Variants in RARRES1 observed in about 807,000 individuals in gnomAD.
RARRES1 encodes retinoic acid receptor responder 1.
Under a neutral mutation model 30.6 loss-of-function variants are expected in RARRES1, and 34 were observed. The observed-to-expected ratio is 1.11, with a 90% CI of 0.84 to 1.48. The LOEUF (loss-of-function observed/expected upper bound fraction) is 1.48. Among genes scored for constraint, RARRES1 ranks in the 40% most tolerant of loss-of-function variants. The probability of loss-of-function intolerance (pLI) is 0.00; values close to 1 mark genes in which losing one functional copy is unlikely to be tolerated. For missense variants in RARRES1, 373 were observed against 386.5 expected, an observed-to-expected ratio of 0.97 and a Z score of 0.29; for synonymous variants, 153 against 155.5, an observed-to-expected ratio of 0.98 and a Z score of 0.12.
At chr3:158,728,855 C>T (rs939322749) in intron 1 of RARRES1, among the ~76,000 whole-genome samples, 1 of 152,080 alleles carries the variant, frequency 6.6e-6, no homozygotes, top group African/African-American at 2.4e-5. Flanking sequence ...GCTATGACTG[C>T]TCTTATAATG....
chr3:158,706,542 G>A (rs13074694), intron 3 of RARRES1, among the ~76,000 whole-genome samples: 117,843 of 152,086 alleles, frequency 0.77, 46,481 homozygotes, highest in African/African-American at 0.88. Flanking sequence ...ATGAACTGCA[G>A]TTGAGTAGTA....
At chr3:158,722,836 C>T (rs951023280) in intron 1 of RARRES1, among the ~76,000 whole-genome samples, 25 of 149,458 alleles carry the variant, frequency 1.7e-4, no homozygotes, top group Non-Finnish European at 3.0e-4. Flanking sequence ...GAGCCAAGAT[C>T]GCGCCACTGC....
intron 4 of RARRES1, among the ~76,000 whole-genome samples, chr3:158,698,561 C>G (rs1386888503): frequency 2.0e-5 from 3 of 152,176 alleles, no homozygotes; most frequent in Non-Finnish European, 4.4e-5. Context: ...TTTCTAAAAC[C>G]AGTGCATTGG....
intron 1 of RARRES1, among the ~76,000 whole-genome samples, chr3:158,715,900 G>A (rs1245508446): frequency 6.6e-6 from 1 of 152,136 alleles, no homozygotes; most frequent in Non-Finnish European, 1.5e-5. Context: ...ACAGGGCTGT[G>A]GCTTGCTGCC....
chr3:158,722,965 T>G (rs1727565996), intron 1 of RARRES1, among the ~76,000 whole-genome samples: 1 of 151,798 alleles, frequency 6.6e-6, no homozygotes, highest in South Asian at 2.1e-4. Flanking sequence ...AGAGCAGGGA[T>G]GGTGTCCTGG....
chr3:158,704,900 A>T lies in RARRES1; in HGVS notation c.563T>A (p.Leu188Gln). The T allele has an allele frequency of 6.2e-7, 1 of 1,613,452 alleles. No homozygotes were observed. The highest frequency in any genetic ancestry group is 2.2e-5 in the East Asian group (1 of 44,872). ...PDNHGHIDPS[L>Q]RLIWDLAFLG... ...GAAAGCCAAATCCCAGATGAGTCTC[A>T]GAGAGGGATCAATATGTCCATGATT... Residue 188 changes from leucine to glutamine, a missense_variant, in exon 4 of 6, where the codon CTG becomes CAG. Leu to Gln is a moderately radical substitution (Grantham distance 113, BLOSUM62 -2). Coordinates refer to ENST00000237696, the MANE Select transcript of RARRES1 (RefSeq NM_206963.2).
chr3:158,699,639 C>G (rs1401898047), intron 4 of RARRES1, among the ~76,000 whole-genome samples: 1 of 152,116 alleles, frequency 6.6e-6, no homozygotes, highest in Non-Finnish European at 1.5e-5. Flanking sequence ...GAGGCATTTC[C>G]TTCCCCAGAG....
chr3:158,698,564 T>C (rs1726625837), intron 4 of RARRES1, among the ~76,000 whole-genome samples: 1 of 152,188 alleles, frequency 6.6e-6, no homozygotes, highest in South Asian at 2.1e-4. Context: ...CTAAAACCAG[T>C]GCATTGGATA....
chr3:158,726,915 T>G (rs1175565398), intron 1 of RARRES1, among the ~76,000 whole-genome samples: 1 of 152,184 alleles, frequency 6.6e-6, no homozygotes, highest in Non-Finnish European at 1.5e-5. Flanking sequence ...ATGAATGGTT[T>G]GGCACCCTCC....
chr3:158,702,543 A>G (rs1363967817), intron 4 of RARRES1, among the ~76,000 whole-genome samples: 1 of 152,112 alleles, frequency 6.6e-6, no homozygotes, highest in Non-Finnish European at 1.5e-5. Context: ...GAACATGTTA[A>G]ATGTCCTAGT....
chr3:158,714,147 T>C (rs1727242087), intron 1 of RARRES1, among the ~76,000 whole-genome samples: 1 of 151,702 alleles, frequency 6.6e-6, no homozygotes, highest in African/African-American at 2.4e-5. Context: ...AGAACAGGAG[T>C]GTGCAGGGAG....
chr3:158,730,682 G>A (rs1488019174), intron 1 of RARRES1, among the ~76,000 whole-genome samples: 1 of 152,060 alleles, frequency 6.6e-6, no homozygotes, highest in Non-Finnish European at 1.5e-5. Context: ...CAACTCCTGA[G>A]CTCAAGCGAT....
intron 1 of RARRES1, 96 bp from the exon 2 acceptor site, chr3:158,713,955 G>C: frequency 9.0e-7 from 1 of 1,114,300 alleles, no homozygotes; most frequent in Non-Finnish European, 1.3e-6. Context: ...GCATGCAAAT[G>C]GTGGCTGTAG....
chr3:158,717,232 T>G (rs1727351067), intron 1 of RARRES1, among the ~76,000 whole-genome samples: 1 of 152,250 alleles, frequency 6.6e-6, no homozygotes, highest in African/African-American at 2.4e-5. Context: ...CTCCATGATT[T>G]CAGCTCCTAC....
At chr3:158,701,134 A>G (rs950020121) in intron 4 of RARRES1, among the ~76,000 whole-genome samples, 20 of 152,154 alleles carry the variant, frequency 1.3e-4, no homozygotes, top group African/African-American at 4.8e-4. Flanking sequence ...GTGCTTACAA[A>G]CCTGGTACTG....
chr3:158,732,305 G>T lies in RARRES1; in HGVS notation c.111C>A (p.Pro37=). 7.4e-7 allele frequency: 1 copy of T among 1,344,188 alleles called. No individual in the cohort carries two copies. The allele number at this position is 1,344,188 out of a possible 1,614,324, so 83.3% of individuals were successfully genotyped here. ...LLLLLAPVAA[P]AGSGDPDDPG... ...GGTCGTCGGGGTCCCCGGACCCCGC[G>T]GGCGCCGCCACCGGGGCGAGCAACA... Residue 37 remains proline (P), a synonymous_variant, in exon 1 of 6, where the codon CCC becomes CCA. Transcript: ENST00000237696.
intron 3 of RARRES1, among the ~76,000 whole-genome samples, chr3:158,706,753 G>A (rs1015782763): frequency 1.3e-5 from 2 of 152,200 alleles, no homozygotes; most frequent in African/African-American, 4.8e-5. Context: ...AACTCTAGGA[G>A]AATAGTAATA....
In RARRES1 at chr3:158,721,386, AGGTCTGG is replaced by A. The variant is rs559550561; in HGVS notation, c.277-7534_277-7528del. On this transcript the variant is annotated intron_variant, in intron 1 of 5. Coordinates refer to ENST00000237696, the MANE Select transcript of RARRES1 (RefSeq NM_206963.2). ...GATCTACACCGACTTTTGATTCAGGAGGTCTGGGGTGGGGCCTGGGAACTTGCATTTT... is the reference window on the plus strand; with the variant it reads ...GATCTACACCGACTTTTGATTCAGGAGGTGGGGCCTGGGAACTTGCATTTT... 6.6e-5 allele frequency among the ~76,000 whole-genome samples: 10 copies of A among 152,214 alleles called. No individual in the cohort carries two copies. The East Asian group carries it at 1.9e-3, about 29-fold the overall frequency.
intron 1 of RARRES1, among the ~76,000 whole-genome samples, chr3:158,730,319 CAAAAA>C (rs58772915): frequency 8.8e-5 from 7 of 79,408 alleles, no homozygotes; most frequent in African/African-American, 3.4e-4. Context: ...GACTCTGTCT[CAAAAA>C]AAAAAAAAAA....
Sources: gnomAD v4.1 joint callset for allele counts (sites outside exome capture counted in the v4.1 genomes callset) on GRCh38, gnomAD v4.1.1 for gene constraint, MANE v1.5 for transcripts, NCBI Gene and HGNC (gene_info 2026-07-23, HGNC 2026-07-21) for gene names.